The following CNTN3 variants were observed in gnomAD, a reference collection of about 807,000 sequenced individuals.
CNTN3 encodes contactin-3.
In CNTN3, 60 loss-of-function variants were observed where a neutral mutation model predicts 119.1. That is an observed-to-expected ratio of 0.50 (90% confidence interval 0.41 to 0.62). CNTN3 has a LOEUF of 0.62. CNTN3 is among the 20% of genes least tolerant of loss of function. The pLI, the probability that CNTN3 is intolerant of heterozygous loss-of-function variation, is 0.00. For missense variants in CNTN3, 1,101 were observed against 1,242.4 expected (o/e 0.89, Z 1.71); for synonymous variants, 450 against 438.7 (o/e 1.03, Z -0.32).
At chr3:74,575,146 A>G (rs936017716) in intron 1 of CNTN3, among the ~76,000 whole-genome samples, 11 of 152,062 alleles carry the variant, frequency 7.2e-5, no homozygotes, top group African/African-American at 1.4e-4. Context: ...GCTGGTCTTG[A>G]ACTCCTGGGC....
intron 11 of CNTN3, among the ~76,000 whole-genome samples, chr3:74,346,773 CCAT>C (rs1319972908): frequency 5.3e-5 from 8 of 151,888 alleles, no homozygotes; most frequent in Non-Finnish European, 1.0e-4. Context: ...ATCCATCCAT[CCAT>C]CCATCCATCC....
chr3:74,293,284 T>C (rs1359435550), intron 19 of CNTN3, among the ~76,000 whole-genome samples: 1 of 152,204 alleles, frequency 6.6e-6, no homozygotes, highest in Non-Finnish European at 1.5e-5. Context: ...CTATTCCCTA[T>C]CCTTTCTTTT....
intron 22 of CNTN3, among the ~76,000 whole-genome samples, chr3:74,266,068 T>G (rs1868197): frequency 0.3 from 44,844 of 151,958 alleles, 6,683 homozygotes; most frequent in Admixed American, 0.36. Flanking sequence ...GGTTTAGGAC[T>G]TTGACAATGT....
chr3:74,486,611 T>C lies in CNTN3; in HGVS notation c.203A>G (p.Asp68Gly), dbSNP rs372925187. ...ACGATGTTCCATACTCATATCAATA[T>C]CACTTCCATTCAGCTGCCATCTGTA... ...PHYRWQLNGS[D>G]IDMSMEHRYK... The change falls in exon 4 of 23, where the codon GAT (aspartate) becomes GGT (glycine). Residue 68 changes from aspartate (D) to glycine (G), a missense_variant. Coordinates refer to ENST00000263665, the MANE Select transcript of CNTN3 (RefSeq NM_020872.3). The C allele has an allele frequency of 1.2e-5, 19 of 1,558,308 alleles. No homozygotes were observed. The highest frequency in any genetic ancestry group is 1.5e-5 in the Non-Finnish European group (17 of 1,159,120).
intron 1 of CNTN3, among the ~76,000 whole-genome samples, chr3:74,606,618 C>CA (rs1401221513): frequency 4.0e-5 from 6 of 151,616 alleles, no homozygotes; most frequent in Non-Finnish European, 5.9e-5. Flanking sequence ...TGAAAAATGA[C>CA]AAAAAATGAT....
intron 5 of CNTN3, among the ~76,000 whole-genome samples, chr3:74,406,083 A>G (rs1232013777): frequency 1.3e-5 from 2 of 152,112 alleles, no homozygotes; most frequent in African/African-American, 2.4e-5. Context: ...TTATAATGCT[A>G]TGAGTGTCTT....
chr3:74,513,902 C>T (rs1363356406), intron 2 of CNTN3, among the ~76,000 whole-genome samples: 5 of 151,064 alleles, frequency 3.3e-5, no homozygotes, highest in African/African-American at 4.9e-5. Flanking sequence ...CCTTAGTTGC[C>T]AAGCAGAAGT....
chr3:74,489,814 A>T (rs1214233717), intron 3 of CNTN3, among the ~76,000 whole-genome samples: 1 of 152,162 alleles, frequency 6.6e-6, no homozygotes, highest in Non-Finnish European at 1.5e-5. Context: ...AATGGAGAGA[A>T]TGCCATCTAT....
At chr3:74,540,856 G>A (rs927998570) in intron 1 of CNTN3, among the ~76,000 whole-genome samples, 26 of 152,066 alleles carry the variant, frequency 1.7e-4, no homozygotes, top group Admixed American at 1.4e-3. Context: ...TAGTTTATAT[G>A]TGCATATATA....
chr3:74,341,119 G>A (rs186280032), intron 11 of CNTN3, among the ~76,000 whole-genome samples: 15 of 152,236 alleles, frequency 9.9e-5, no homozygotes, highest in African/African-American at 3.4e-4. Context: ...CAAACTCTAT[G>A]TATATTGTAA....
intron 20 of CNTN3, among the ~76,000 whole-genome samples, chr3:74,274,551 T>G (rs933425338): frequency 3.3e-5 from 5 of 151,860 alleles, no homozygotes; most frequent in African/African-American, 7.3e-5. Context: ...AGAAGAGACA[T>G]AAACAATCAC....
At chr3:74,570,430 ACT>A (rs1171160743) in intron 1 of CNTN3, among the ~76,000 whole-genome samples, 1 of 150,286 alleles carries the variant, frequency 6.7e-6, no homozygotes, top group Admixed American at 6.7e-5. Flanking sequence ...AAATCAAGAA[ACT>A]CTCTTGATTT....
chr3:74,488,517 T>C (rs1021378889), intron 3 of CNTN3, among the ~76,000 whole-genome samples: 6 of 152,202 alleles, frequency 3.9e-5, no homozygotes, highest in African/African-American at 1.2e-4. Context: ...ATATGGATGT[T>C]TATCATTATG....
chr3:74,369,607 G>A (rs1704287231), intron 7 of CNTN3, among the ~76,000 whole-genome samples: 1 of 149,022 alleles, frequency 6.7e-6, no homozygotes, highest in African/African-American at 2.5e-5. Flanking sequence ...GCCTAATACA[G>A]ACCCACCATA....
chr3:74,285,497 G>A lies in CNTN3; in HGVS notation c.2518-6C>T. On this transcript the variant is annotated splice_region_variant and splice_polypyrimidine_tract_variant and intron_variant, in intron 19 of 22. Transcript: ENST00000263665. ...CCCCCATTCCAGTACCGCACCTGGT[G>A]GGCGGAAGACACCAAACATGTGAAG... The A allele has an allele frequency of 6.2e-7, 1 of 1,600,802 alleles. No individual in the cohort carries two copies.
At chr3:74,319,879 AAAG>A (rs1702941021) in intron 13 of CNTN3, among the ~76,000 whole-genome samples, 1 of 152,220 alleles carries the variant, frequency 6.6e-6, no homozygotes, top group African/African-American at 2.4e-5. Context: ...ACACTTCTCA[AAAG>A]AAGACATTTA....
At chr3:74,288,159 C>CTTTTCTTTTTTT (rs1487942663) in intron 19 of CNTN3, among the ~76,000 whole-genome samples, 6 of 90,376 alleles carry the variant, frequency 6.6e-5, no homozygotes, top group African/African-American at 1.7e-4. Flanking sequence ...CTTTTCTTTT[C>CTTTTCTTTTTTT]TTTTTTTTTT....
intron 20 of CNTN3, among the ~76,000 whole-genome samples, chr3:74,271,730 A>G (rs2106751997): frequency 6.6e-6 from 1 of 152,298 alleles, no homozygotes; most frequent in East Asian, 1.9e-4. Context: ...GATAATTATT[A>G]ACATTTGTAA....
At chr3:74,362,986 T>C (rs1704110477) in intron 10 of CNTN3, among the ~76,000 whole-genome samples, 2 of 152,188 alleles carry the variant, frequency 1.3e-5, no homozygotes, top group Non-Finnish European at 2.9e-5. Flanking sequence ...TATATTTGAA[T>C]ACAATCTTTT....
Sources: allele counts gnomAD v4.1 joint callset (sites outside exome capture counted in the v4.1 genomes callset), GRCh38; gene constraint gnomAD v4.1.1; transcripts MANE v1.5; gene names NCBI Gene and HGNC (gene_info 2026-07-23, HGNC 2026-07-21).